Variants in DOK6 observed in about 807,000 individuals in gnomAD.
DOK6 encodes downstream of tyrosine kinase 6.
In DOK6, 22 loss-of-function variants were observed where a neutral mutation model predicts 44.0. The observed-to-expected ratio is 0.50, with a 90% CI of 0.36 to 0.71. The LOEUF is 0.71. DOK6 is among the 30% of genes least tolerant of loss of function. The pLI is 0.00. For synonymous variants in DOK6, 166 were observed against 145.5 expected, an observed-to-expected ratio of 1.14 and a Z score of -1.01; for missense variants, 340 against 416.4, an observed-to-expected ratio of 0.82 and a Z score of 1.60.
intron 1 of DOK6, among the ~76,000 whole-genome samples, chr18:69,457,890 TCTC>T (rs1880695492): frequency 6.6e-6 from 1 of 152,198 alleles, no homozygotes; most frequent in Admixed American, 6.5e-5. Flanking sequence ...ACGCCTGTAA[TCTC>T]AGCACTTTGG....
Position 69,493,408 on chromosome 18 carries a change from G to A in DOK6, c.67-71079G>A, listed in dbSNP as rs150962777. Among the ~76,000 whole-genome samples the A allele has an allele frequency of 1.6e-3, 251 of 152,252 alleles. 1 individual carries two copies. Among genetic ancestry groups the A allele is most frequent in the African/African-American group, 5.8e-3 (241 of 41,554 alleles). ...TCTCATAGTGTGGTCCCCAGAAAAA[G>A]AGCACTAGCATTGCCTGAAAACTTG... On this transcript the variant is annotated intron_variant, in intron 1 of 7. Coordinates refer to ENST00000382713, the MANE Select transcript of DOK6 (RefSeq NM_152721.6).
chr18:69,807,845 T>C (rs1028264853), intron 7 of DOK6, among the ~76,000 whole-genome samples: 2 of 151,740 alleles, frequency 1.3e-5, no homozygotes, highest in Non-Finnish European at 3.0e-5. Flanking sequence ...ACAATAATAA[T>C]AAGAGACTGC....
At chr18:69,564,069 C>G (rs752679232) in intron 1 of DOK6, among the ~76,000 whole-genome samples, 2 of 151,692 alleles carry the variant, frequency 1.3e-5, no homozygotes, top group South Asian at 4.2e-4. Context: ...ATCTAAAATT[C>G]TACAAGATAA....
intron 1 of DOK6, among the ~76,000 whole-genome samples, chr18:69,509,464 C>T (rs557535771): frequency 8.1e-4 from 123 of 151,844 alleles, no homozygotes; most frequent in African/African-American, 2.4e-3. Context: ...GGTGAAACCC[C>T]GTCTCTACTA....
intron 7 of DOK6, among the ~76,000 whole-genome samples, chr18:69,776,475 C>A (rs1188653382): frequency 2.6e-5 from 4 of 152,018 alleles, no homozygotes; most frequent in Non-Finnish European, 4.4e-5. Flanking sequence ...GAAAACACTA[C>A]ATCAAAATTT....
chr18:69,443,127 C>A (rs1013447431), intron 1 of DOK6, among the ~76,000 whole-genome samples: 3 of 152,132 alleles, frequency 2.0e-5, no homozygotes, highest in African/African-American at 7.2e-5. Flanking sequence ...GAATTAATTT[C>A]TTTCAGAGTA....
intron 1 of DOK6, among the ~76,000 whole-genome samples, chr18:69,499,611 T>C (rs1980992711): frequency 6.6e-6 from 1 of 152,150 alleles, no homozygotes; most frequent in Admixed American, 6.5e-5. Flanking sequence ...CCAACTGTCA[T>C]CAGTTTCTGA....
At chr18:69,453,822 T>A (rs201573862) in intron 1 of DOK6, among the ~76,000 whole-genome samples, 9 of 49,790 alleles carry the variant, frequency 1.8e-4, no homozygotes, top group Non-Finnish European at 2.8e-4. Context: ...ATTCCCTATT[T>A]AGTAAATGGT....
intron 6 of DOK6, among the ~76,000 whole-genome samples, chr18:69,741,489 A>C (rs1384107403): frequency 2.0e-5 from 3 of 152,046 alleles, no homozygotes. Context: ...ACATGCACAA[A>C]ACTTTTCTTT....
intron 1 of DOK6, chr18:69,470,236 T>A (rs1236387355): frequency 1.3e-5 from 2 of 152,230 alleles, no homozygotes; most frequent in Non-Finnish European, 2.9e-5. Context: ...GAGGTGCTAG[T>A]CTTCCAGAAA....
chr18:69,563,752 G>T (rs1982899840), intron 1 of DOK6, among the ~76,000 whole-genome samples: 1 of 151,652 alleles, frequency 6.6e-6, no homozygotes, highest in Admixed American at 6.6e-5. Flanking sequence ...GTATACATAT[G>T]TAACAAACCT....
chr18:69,655,591 A>G (rs1599244885), intron 3 of DOK6, among the ~76,000 whole-genome samples: 1 of 152,014 alleles, frequency 6.6e-6, no homozygotes, highest in East Asian at 1.9e-4. Flanking sequence ...TGTCTCTACT[A>G]AAAATACAAA....
At chr18:69,616,859 T>A (rs976920949) in intron 3 of DOK6, among the ~76,000 whole-genome samples, 2 of 152,218 alleles carry the variant, frequency 1.3e-5, no homozygotes, top group African/African-American at 2.4e-5. Flanking sequence ...AAAAAATGGT[T>A]TGAATATTTT....
At chr18:69,804,107 G>A (rs1044648378) in intron 7 of DOK6, among the ~76,000 whole-genome samples, 1 of 152,082 alleles carries the variant, frequency 6.6e-6, no homozygotes, top group African/African-American at 2.4e-5. Flanking sequence ...TTAATGTCTG[G>A]GTTCCCAGAA....
intron 7 of DOK6, among the ~76,000 whole-genome samples, chr18:69,780,657 A>G (rs1005001007): frequency 4.6e-5 from 7 of 152,216 alleles, no homozygotes; most frequent in African/African-American, 1.2e-4. Flanking sequence ...TATAGTATAT[A>G]AAGCTTTCAT....
chr18:69,830,153 T>C (rs1331571198), intron 7 of DOK6, among the ~76,000 whole-genome samples: 1 of 152,186 alleles, frequency 6.6e-6, no homozygotes, highest in Non-Finnish European at 1.5e-5. Context: ...ACATTAATTA[T>C]GTTCAGTTTT....
chr18:69,411,767 C>T (rs1256139711), intron 1 of DOK6, among the ~76,000 whole-genome samples: 1 of 152,066 alleles, frequency 6.6e-6, no homozygotes, highest in Non-Finnish European at 1.5e-5. Context: ...CCACTACCTC[C>T]TCAAGTATCA....
At chr18:69,800,057 T>C (rs1307938968) in intron 7 of DOK6, among the ~76,000 whole-genome samples, 1 of 150,394 alleles carries the variant, frequency 6.6e-6, no homozygotes, top group African/African-American at 2.4e-5. Flanking sequence ...TTATTTTTAC[T>C]ATTTTTAGTT....
At chr18:69,504,650 CT>C (rs919546995) in intron 1 of DOK6, among the ~76,000 whole-genome samples, 70 of 152,028 alleles carry the variant, frequency 4.6e-4, no homozygotes, top group African/African-American at 1.6e-3. Context: ...AAAAAGAAAT[CT>C]TTTTTCTTCA....
Sources: allele counts gnomAD v4.1 joint callset (sites outside exome capture counted in the v4.1 genomes callset), GRCh38; gene constraint gnomAD v4.1.1; transcripts MANE v1.5; gene names NCBI Gene and HGNC (gene_info 2026-07-23, HGNC 2026-07-21).